The following SYCP2L variants were observed in gnomAD, a reference collection of about 807,000 sequenced individuals.
SYCP2L encodes synaptonemal complex protein 2-like.
SYCP2L carries 98 observed loss-of-function variants against 125.8 expected under a neutral mutation model. That is an observed-to-expected ratio of 0.78 (90% CI 0.66 to 0.92). The LOEUF (loss-of-function observed/expected upper bound fraction) is 0.92. Among genes scored for constraint, SYCP2L ranks in the 40% least tolerant of loss-of-function variants. The probability of loss-of-function intolerance (pLI) is 0.00; values close to 1 mark genes in which losing one functional copy is unlikely to be tolerated. For synonymous variants in SYCP2L, 317 were observed against 325.4 expected, an observed-to-expected ratio of 0.97 and a Z score of 0.28; for missense variants, 842 against 936.4, an observed-to-expected ratio of 0.90 and a Z score of 1.32.
chr6:10,945,145 A>G (rs1379042657), intron 23 of SYCP2L, among the ~76,000 whole-genome samples: 1 of 152,234 alleles, frequency 6.6e-6, no homozygotes, highest in Non-Finnish European at 1.5e-5. Context: ...CATTGTGACT[A>G]GAGAACATAG....
intron 29 of SYCP2L, among the ~76,000 whole-genome samples, chr6:10,968,528 G>A (rs1781714545): frequency 6.6e-6 from 1 of 152,296 alleles, no homozygotes; most frequent in South Asian, 2.1e-4. Flanking sequence ...AGGAAAAAAA[G>A]CTTTTAGTTG....
At chr6:10,959,869 CAAAA>C (rs201059528) in intron 26 of SYCP2L, among the ~76,000 whole-genome samples, 7 of 126,234 alleles carry the variant, frequency 5.5e-5, no homozygotes, top group Admixed American at 2.4e-4. Flanking sequence ...AACTCTGTCT[CAAAA>C]AAAAAAAAAA....
intron 23 of SYCP2L, among the ~76,000 whole-genome samples, chr6:10,950,352 G>C (rs987681891): frequency 4.6e-5 from 7 of 152,000 alleles, no homozygotes; most frequent in Admixed American, 1.3e-4. Context: ...CCCTTTGGCT[G>C]CTTCTCTAGT....
chr6:10,894,122 T>C lies in SYCP2L; in HGVS notation c.254T>C (p.Leu85Ser). 1 of 1,613,488 alleles carries C rather than the reference T, an allele frequency of 6.2e-7. No individual in the cohort carries two copies. Among genetic ancestry groups the C allele is most frequent in the Non-Finnish European group, 8.5e-7 (1 of 1,179,748 alleles). The part of the protein sequence containing the change: ...DKNEFQSVSL[L>S]LKCIQRFLVD... ...AATGAATTTCAGTCTGTGTCACTGT[T>C]GCTGAAATGTATTCAGCGATTCCTC... Residue 85 changes from leucine (L) to serine (S), a missense_variant, in exon 4 of 30, where the codon TTG becomes TCG. Physicochemically the swap from Leu to Ser is moderately radical, Grantham distance 145. Coordinates refer to ENST00000283141, the MANE Select transcript of SYCP2L (RefSeq NM_001040274.3).
intron 29 of SYCP2L, among the ~76,000 whole-genome samples, chr6:10,968,016 T>G (rs1457179290): frequency 6.6e-6 from 1 of 152,200 alleles, no homozygotes; most frequent in East Asian, 1.9e-4. Flanking sequence ...GTTAGAGTGA[T>G]GCACTTTGTC....
At chr6:10,938,842 C>A (rs1371780541) in intron 21 of SYCP2L, among the ~76,000 whole-genome samples, 1 of 152,130 alleles carries the variant, frequency 6.6e-6, no homozygotes, top group East Asian at 1.9e-4. Flanking sequence ...AAATCTCAGC[C>A]AAGCATGGTG....
intron 29 of SYCP2L, among the ~76,000 whole-genome samples, chr6:10,972,298 TA>T (rs1207783889): frequency 6.6e-6 from 1 of 152,070 alleles, no homozygotes; most frequent in South Asian, 2.1e-4. Flanking sequence ...AAGAGGATAT[TA>T]AAAAAAGACT....
At chr6:10,895,895 G>A (rs1581815244) in intron 4 of SYCP2L, among the ~76,000 whole-genome samples, 1 of 151,678 alleles carries the variant, frequency 6.6e-6, no homozygotes, top group Non-Finnish European at 1.5e-5. Flanking sequence ...GCTCACGCCT[G>A]TAATCCCAGC....
intron 9 of SYCP2L, 25 bp downstream of exon 9, chr6:10,906,079 AT>A: frequency 6.8e-7 from 1 of 1,471,032 alleles, no homozygotes; most frequent in Non-Finnish European, 9.5e-7. Context: ...AATTTTCAGT[AT>A]TAGAATATTA....
chr6:10,931,400 G>T, intron 19 of SYCP2L, 40 bp from the exon 20 acceptor site: 1 of 1,608,718 alleles, frequency 6.2e-7, no homozygotes. Flanking sequence ...TGCCTCATGA[G>T]TTAATGTATA....
intron 1 of SYCP2L, among the ~76,000 whole-genome samples, chr6:10,889,626 T>A (rs1780140195): frequency 6.7e-6 from 1 of 149,208 alleles, no homozygotes; most frequent in Non-Finnish European, 1.5e-5. Context: ...CTTTTTTTTT[T>A]TTTTTTTTTT....
chr6:10,971,833 C>G (rs1429485719), intron 29 of SYCP2L, among the ~76,000 whole-genome samples: 1 of 152,080 alleles, frequency 6.6e-6, no homozygotes, highest in Non-Finnish European at 1.5e-5. Flanking sequence ...TCCCACCACA[C>G]CCGGCTAATT....
At chr6:10,904,580 C>T (rs1780449751) in intron 8 of SYCP2L, among the ~76,000 whole-genome samples, 1 of 152,192 alleles carries the variant, frequency 6.6e-6, no homozygotes, top group African/African-American at 2.4e-5. Context: ...AGCAGCTGAT[C>T]TCATGTTTTC....
chr6:10,895,778 G>A (rs1041732598), intron 4 of SYCP2L, among the ~76,000 whole-genome samples: 36 of 151,436 alleles, frequency 2.4e-4, no homozygotes, highest in Admixed American at 2.2e-3. Context: ...GTGAGCTCCC[G>A]CGCCTGGCCA....
At chr6:10,909,753 G>A (rs1310431621) in intron 10 of SYCP2L, among the ~76,000 whole-genome samples, 3 of 152,230 alleles carry the variant, frequency 2.0e-5, no homozygotes, top group African/African-American at 7.2e-5. Flanking sequence ...TAGGTTTGTG[G>A]TTGGTTAGTG....
At chr6:10,934,929 C>A in intron 20 of SYCP2L, 129 bp from the exon 21 acceptor site, 1 of 850,696 alleles carries the variant, frequency 1.2e-6, no homozygotes, top group Non-Finnish European at 1.7e-6. Flanking sequence ...GTAGAATTAG[C>A]ATTTATTTTC....
At chr6:10,961,736 T>C (rs1781597091) in intron 28 of SYCP2L, among the ~76,000 whole-genome samples, 178 bp downstream of exon 28, 1 of 152,224 alleles carries the variant, frequency 6.6e-6, no homozygotes, top group Admixed American at 6.5e-5. Flanking sequence ...AATGATACCA[T>C]TCGAGAGGCG....
At chr6:10,907,390 C>A in intron 9 of SYCP2L, 152 bp from the exon 10 acceptor site, 1 of 557,128 alleles carries the variant, frequency 1.8e-6, no homozygotes, top group Non-Finnish European at 3.0e-6. Context: ...ATTCTAATTA[C>A]TCCAGGATGC....
chr6:10,921,871 A>T (rs1039924344), intron 14 of SYCP2L, among the ~76,000 whole-genome samples: 1 of 151,844 alleles, frequency 6.6e-6, no homozygotes. Context: ...ACACCTGGCT[A>T]ATTTTTTGTA....
Sources: gnomAD v4.1 joint callset for allele counts (sites outside exome capture counted in the v4.1 genomes callset) on GRCh38, gnomAD v4.1.1 for gene constraint, MANE v1.5 for transcripts, NCBI Gene and HGNC (gene_info 2026-07-23, HGNC 2026-07-21) for gene names.